AKAP19: variants seen among roughly 807,000 people sequenced by gnomAD.
AKAP19 encodes small A-kinase anchoring protein.
At chr2:190,093,848 C>A in the AKAP19 span, among the ~76,000 whole-genome samples, 1 of 152,184 alleles carries the variant, frequency 6.6e-6, no homozygotes, top group Admixed American at 6.5e-5. Context: ...GGTAGCTTGA[C>A]CACAATCAGG....
chr2:190,040,111 A>G, the AKAP19 span, among the ~76,000 whole-genome samples: 1 of 152,150 alleles, frequency 6.6e-6, no homozygotes, highest in East Asian at 1.9e-4. Context: ...TGCTTTCCAC[A>G]ATGGTTGAAC....
At chr2:189,975,476 G>A in the AKAP19 span, among the ~76,000 whole-genome samples, 10 of 152,112 alleles carry the variant, frequency 6.6e-5, no homozygotes, top group Admixed American at 2.0e-4. Flanking sequence ...TGCTCTTCTC[G>A]AGGAGTATCT....
the AKAP19 span, among the ~76,000 whole-genome samples, chr2:190,139,828 A>G: frequency 2.0e-5 from 3 of 152,142 alleles, no homozygotes; most frequent in African/African-American, 7.2e-5. Flanking sequence ...CACATTTCAA[A>G]ACACAATCAT....
chr2:190,178,517 G>A, the AKAP19 span, among the ~76,000 whole-genome samples: 12 of 152,322 alleles, frequency 7.9e-5, no homozygotes, highest in Admixed American at 3.3e-4. The surrounding 1 kb of genome is among the most constrained non-coding windows in gnomAD (Gnocchi z 6.3). Context: ...GAGGGCAGCC[G>A]GGCAGATGGC....
the AKAP19 span, among the ~76,000 whole-genome samples, chr2:189,995,182 A>C: frequency 1.1e-4 from 17 of 152,008 alleles, no homozygotes; most frequent in African/African-American, 4.1e-4. Context: ...GTCTTTGTTG[A>C]CTTCTGTCTT....
the AKAP19 span, among the ~76,000 whole-genome samples, chr2:190,006,915 G>A: frequency 6.6e-6 from 1 of 151,870 alleles, no homozygotes; most frequent in Non-Finnish European, 1.5e-5. Context: ...AGATACTCTG[G>A]AGGCTGAGGC....
At chr2:189,985,770 G>T in the AKAP19 span, among the ~76,000 whole-genome samples, 12 of 152,264 alleles carry the variant, frequency 7.9e-5, no homozygotes, top group African/African-American at 2.6e-4. Context: ...CTGATCTACC[G>T]ACTGTAAGCT....
chr2:189,881,321 G>A, the AKAP19 span, among the ~76,000 whole-genome samples: 5 of 152,254 alleles, frequency 3.3e-5, no homozygotes, highest in Non-Finnish European at 7.4e-5. Context: ...TCACCCGTCT[G>A]CTCACTGAAA....
At chr2:190,179,364 G>A in the AKAP19 span, among the ~76,000 whole-genome samples, 18 of 151,578 alleles carry the variant, frequency 1.2e-4, no homozygotes, top group East Asian at 3.1e-3. The surrounding 1 kb of genome is among the most constrained non-coding windows in gnomAD (Gnocchi z 6.0). Context: ...CCAAGATTGC[G>A]CCATTGCACT....
chr2:190,203,335 A>G, the AKAP19 span: 1 of 166,874 alleles, frequency 6.0e-6, no homozygotes, highest in Non-Finnish European at 1.5e-5. Flanking sequence ...GTTCAGAAGC[A>G]CTACCTGCAT....
At chr2:190,056,731 A>G in the AKAP19 span, 1 of 157,794 alleles carries the variant, frequency 6.3e-6, no homozygotes, top group Non-Finnish European at 1.4e-5. Flanking sequence ...TGTCAATTAT[A>G]ATAGGAATGG....
the AKAP19 span, among the ~76,000 whole-genome samples, chr2:190,187,370 TAGC>T: frequency 6.6e-6 from 1 of 151,692 alleles, no homozygotes; most frequent in Admixed American, 6.6e-5. Context: ...TCTGGGGAGT[TAGC>T]AGCCTATTCG....
At chr2:190,185,257 A>G in the AKAP19 span, among the ~76,000 whole-genome samples, 5 of 152,308 alleles carry the variant, frequency 3.3e-5, no homozygotes, top group Non-Finnish European at 7.4e-5. Flanking sequence ...GTAGGGGAGG[A>G]AAAAAGCTGT....
At chr2:190,129,925 G>A in the AKAP19 span, among the ~76,000 whole-genome samples, 238 of 152,106 alleles carry the variant, frequency 1.6e-3, no homozygotes, top group Middle Eastern at 0.01. Flanking sequence ...TCCAGCCCAG[G>A]ATATTTTTCT....
chr2:189,911,352 A>G, the AKAP19 span, among the ~76,000 whole-genome samples: 2 of 152,108 alleles, frequency 1.3e-5, no homozygotes, highest in African/African-American at 4.8e-5. Context: ...AAGTGGAGGT[A>G]CATGCATTAA....
chr2:190,130,999 G>A, the AKAP19 span, among the ~76,000 whole-genome samples: 2 of 152,280 alleles, frequency 1.3e-5, no homozygotes, highest in South Asian at 4.1e-4. Context: ...CCAGAGTGAA[G>A]GCTGTGAAAT....
chr2:190,035,511 C>T, the AKAP19 span, among the ~76,000 whole-genome samples: 1 of 151,996 alleles, frequency 6.6e-6, no homozygotes, highest in Non-Finnish European at 1.5e-5. Context: ...TTGTTTTGTT[C>T]ATCACTACTC....
chr2:190,002,086 A>T, the AKAP19 span, among the ~76,000 whole-genome samples: 2 of 152,180 alleles, frequency 1.3e-5, no homozygotes, highest in Non-Finnish European at 2.9e-5. Context: ...TCCCTATAGA[A>T]CAAGGGCAGG....
At chr2:190,174,774 C>T in the AKAP19 span, among the ~76,000 whole-genome samples, 1 of 152,240 alleles carries the variant, frequency 6.6e-6, no homozygotes. Flanking sequence ...CATTTGTAAG[C>T]AAATAAAAGT....
Sources: gnomAD v4.1 joint callset for allele counts (sites outside exome capture counted in the v4.1 genomes callset) on GRCh38, gnomAD v4.1.1 for gene constraint, Gnocchi (gnomAD v3.1) non-coding constraint, MANE v1.5 for transcripts, NCBI Gene and HGNC (gene_info 2026-07-23, HGNC 2026-07-21) for gene names.